ZSWIM8: variants seen among roughly 807,000 people sequenced by gnomAD.
ZSWIM8 encodes zinc finger SWIM domain-containing protein 8.
In ZSWIM8, 27 loss-of-function variants were observed where a neutral mutation model predicts 173.7. The ratio of observed to expected loss-of-function variants is 0.16; its 90% confidence interval spans 0.11 to 0.21. The LOEUF (loss-of-function observed/expected upper bound fraction) is 0.21. Among genes scored for constraint, ZSWIM8 ranks in the 10% least tolerant of loss-of-function variants. ZSWIM8 has a pLI of 1.00. For synonymous variants in ZSWIM8, 958 were observed against 962.0 expected, an observed-to-expected ratio of 1.00 and a Z score of 0.08; for missense variants, 1,627 against 2,428.8, an observed-to-expected ratio of 0.67 and a Z score of 6.94.
rs934156712 is a variant in ZSWIM8 at position 73,801,684 on chromosome 10, C to T, written c.*165C>T. ...TATAGCTTGGGGCCAAGATGTCTCA[C>T]ACCCTAGAAGCCTAGGGCTGGGGGA... is the stretch of plus-strand genomic sequence containing the variant. On this transcript the variant is annotated 3_prime_UTR_variant, in exon 26 of 26. Coordinates refer to ENST00000604729, the MANE Select transcript of ZSWIM8 (RefSeq NM_001367799.1). This position sits in a 1 kb window ranked among gnomAD's most constrained non-coding sequence, Gnocchi z 4.9. The T allele has an allele frequency of 2.0e-6, 3 of 1,534,268 alleles. No homozygotes were observed. In the African/African-American group the frequency reaches 4.1e-5, roughly 21 times the overall value.
Position 73,793,998 on chromosome 10 carries a change from T to C in ZSWIM8, c.2579T>C (p.Phe860Ser). 6.2e-7 allele frequency: 1 copy of C among 1,613,608 alleles called. No homozygotes were observed. Among genetic ancestry groups the C allele is most frequent in the Non-Finnish European group, 8.5e-7 (1 of 1,179,712 alleles). ...AACCTGGCCTTCCGAGTTGGCATGTTTGCCTTGGAGCTACAGAGGCCTCCA... is the reference window on the plus strand; with the variant it reads ...AACCTGGCCTTCCGAGTTGGCATGTCTGCCTTGGAGCTACAGAGGCCTCCA... ...HHNLAFRVGM[F>S]ALELQRPPAS... The change falls in exon 12 of 26, where the codon TTT becomes TCT. Residue 860 changes from phenylalanine to serine, a missense_variant. By Grantham distance (155) the Phe-to-Ser change is radical. Transcript: ENST00000604729.
chr10:73,795,691 C>T, intron 15 of ZSWIM8, 28 bp downstream of exon 15: 1 of 1,602,454 alleles, frequency 6.2e-7, no homozygotes, highest in Non-Finnish European at 8.5e-7. Flanking sequence ...GGTGCGGTGG[C>T]TCATGCCTGT....
chr10:73,800,188 G>C lies in ZSWIM8; in HGVS notation c.4825+18G>C. ...TGTGGCCTGTGAGTTGTGGGGCCAG[G>C]GAACAGGTGAATGGAGGGGAGGCAC... On this transcript the variant is annotated intron_variant, in intron 22 of 25. Transcript: ENST00000604729. The surrounding 1 kb of genome is among the most constrained non-coding windows in gnomAD (Gnocchi z 4.1). The C allele has an allele frequency of 6.2e-7, 1 of 1,613,394 alleles. No individual in the cohort carries two copies. The highest frequency in any genetic ancestry group is 8.5e-7 in the Non-Finnish European group (1 of 1,179,732).
At position 73,800,859 on chromosome 10, in the gene ZSWIM8, C is replaced by A; in HGVS notation, c.5122+100C>A. The A allele has an allele frequency of 8.3e-7, 1 of 1,199,126 alleles. No individual in the cohort carries two copies. Among genetic ancestry groups the A allele is most frequent in the South Asian group, 1.5e-5 (1 of 66,812 alleles). The allele number at this position is 1,199,126 out of a possible 1,614,324, so 74.3% of individuals were successfully genotyped here. On this transcript the variant is annotated intron_variant, in intron 24 of 25. Transcript: ENST00000604729. The surrounding 1 kb of genome is among the most constrained non-coding windows in gnomAD (Gnocchi z 4.1). The stretch of plus-strand genomic sequence containing the variant: ...TCCTAGCTCTTGCTCAGAGTTGAGG[C>A]CTTGGTCGGGTATGTGTGCGTGCGC...
Position 73,789,153 on chromosome 10 carries a change from C to T in ZSWIM8, c.420C>T (p.Leu140=), listed in dbSNP as rs1437270109. 1.2e-6 allele frequency: 2 copies of T among 1,614,020 alleles called. No individual in the cohort carries two copies. Among genetic ancestry groups the T allele is most frequent in the South Asian group, 1.1e-5 (1 of 91,082 alleles). The part of the protein sequence containing the change: ...SADEFQRGDQ[L]FRMRAVKDPL... ...ATGAGTTTCAGCGAGGGGATCAGCT[C>T]TTCCGCATGCGGGCTGTGAAGGACC... The change falls in exon 3 of 26, where the codon CTC becomes CTT. Residue 140 remains leucine (L), a synonymous_variant. Transcript: ENST00000604729. This position sits in a 1 kb window ranked among gnomAD's most constrained non-coding sequence, Gnocchi z 6.8.
chr10:73,799,619 G>A (rs1350906813), intron 21 of ZSWIM8, 129 bp downstream of exon 21: 4 of 1,313,086 alleles, frequency 3.0e-6, no homozygotes, highest in South Asian at 1.3e-5. Flanking sequence ...GGAGTCTGGG[G>A]GACCCAGCCC....
In ZSWIM8 at chr10:73,801,609, TC is replaced by T; in HGVS notation, c.*91del. On this transcript the variant is annotated 3_prime_UTR_variant, in exon 26 of 26. Coordinates refer to ENST00000604729, the MANE Select transcript of ZSWIM8 (RefSeq NM_001367799.1). The surrounding 1 kb of genome is among the most constrained non-coding windows in gnomAD (Gnocchi z 4.9). ...GGGGAGTGAAACTTGGCTGGACAGA[TC>T]ATCCTCACTCAGTTCCCTGGTAGCA... 6.5e-7 allele frequency: 1 copy of T among 1,546,994 alleles called. No individual in the cohort carries two copies. Among genetic ancestry groups the T allele is most frequent in the Non-Finnish European group, 8.7e-7 (1 of 1,151,316 alleles).
rs565613701 is a variant in ZSWIM8 at position 73,799,304 on chromosome 10, G to C, written c.4479G>C (p.Gly1493=). Residue 1493 remains glycine (G), a synonymous_variant, in exon 21 of 26, where the codon GGG becomes GGC. Coordinates refer to ENST00000604729, the MANE Select transcript of ZSWIM8 (RefSeq NM_001367799.1). ...AATVVPVISV[G]SSLYPGPGLG... is the part of the protein sequence containing the mutation. ...CAGTGGTGCCCGTCATATCGGTGGG[G>C]TCTAGTTTATACCCGGGTCCAGGAC... 3 of 1,606,022 alleles carry C rather than the reference G, an allele frequency of 1.9e-6. No homozygotes were observed. Among genetic ancestry groups the C allele is most frequent in the Non-Finnish European group, 1.7e-6 (2 of 1,176,442 alleles).
chr10:73,793,222 C>G (rs1237222079), intron 10 of ZSWIM8, among the ~76,000 whole-genome samples: 2 of 152,064 alleles, frequency 1.3e-5, no homozygotes, highest in Non-Finnish European at 2.9e-5. Context: ...CTGCCATGCT[C>G]TCTCTCTTGC....
Position 73,797,191 on chromosome 10 carries a change from G to A in ZSWIM8, c.3353G>A (p.Ser1118Asn). Residue 1118 changes from serine (S) to asparagine (N), a missense_variant, in exon 17 of 26, where the codon AGC (serine) becomes AAC (asparagine). Coordinates refer to ENST00000604729, the MANE Select transcript of ZSWIM8 (RefSeq NM_001367799.1). The surrounding 1 kb of genome is among the most constrained non-coding windows in gnomAD (Gnocchi z 5.6). ...CCAAGGCCAGAAGGGAAGGTTCCTA[G>A]CCGCTTGGCACTTGGCAGTCGTGGA... ...LTPRPEGKVP[S>N]RLALGSRGGY... is the part of the protein sequence containing the mutation. The A allele has an allele frequency of 6.2e-7, 1 of 1,614,018 alleles. No individual in the cohort carries two copies. Among genetic ancestry groups the A allele is most frequent in the Non-Finnish European group, 8.5e-7 (1 of 1,179,880 alleles).
Position 73,791,169 on chromosome 10 carries a change from A to G in ZSWIM8, c.1136A>G (p.Tyr379Cys). 1 of 1,605,256 alleles carries G rather than the reference A, an allele frequency of 6.2e-7. No individual in the cohort carries two copies. Among genetic ancestry groups the G allele is most frequent in the Non-Finnish European group, 8.5e-7 (1 of 1,173,622 alleles). The change falls in exon 8 of 26, where the codon TAT becomes TGT. Residue 379 changes from tyrosine to cysteine, a missense_variant. Physicochemically the swap from Tyr to Cys is radical, Grantham distance 194. Transcript: ENST00000604729. The surrounding 1 kb of genome is among the most constrained non-coding windows in gnomAD (Gnocchi z 6.0). ...ATCCTCACTGACCAGTGCCTCACCTATGAACAGGTAATCACTCAGCGTTGG... is the reference window on the plus strand; with the variant it reads ...ATCCTCACTGACCAGTGCCTCACCTGTGAACAGGTAATCACTCAGCGTTGG... ...LEILTDQCLT[Y>C]EQITGWWYSV...
rs1195069272 is a variant in ZSWIM8, at chr10:73,794,201, C to G, written c.2680C>G (p.Leu894Val). The G allele has an allele frequency of 1.2e-6, 2 of 1,614,036 alleles. No individual in the cohort carries two copies. Among genetic ancestry groups the G allele is most frequent in the East Asian group, 2.2e-5 (1 of 44,884 alleles). The change falls in exon 13 of 26, where the codon CTG becomes GTG. Residue 894 changes from leucine (L) to valine (V), a missense_variant. Physicochemically the swap from Leu to Val is conservative, Grantham distance 32. Around this residue, in one of 18 missense-constraint regions of ZSWIM8, gnomAD observed 169 missense variants for 235.3 expected, o/e 0.72. Transcript: ENST00000604729. ...GGCTGCCCTGCTCAAGAAGATCCCT[C>G]TGGGTCCAAGTGAGATGAGTACCAT... ...EVAALLKKIP[L>V]GPSEMSTMRC...
Position 73,789,087 on chromosome 10 carries a change from C to T in ZSWIM8, c.363-9C>T, listed in dbSNP as rs756183563. ...TGAGTTGTGGCTGTGTCCTCTTCTT[C>T]ACCCCCAGGCTGTATTCGTGCCTGG... On this transcript the variant is annotated splice_polypyrimidine_tract_variant and intron_variant, in intron 2 of 25. Coordinates refer to ENST00000604729, the MANE Select transcript of ZSWIM8 (RefSeq NM_001367799.1). This position sits in a 1 kb window ranked among gnomAD's most constrained non-coding sequence, Gnocchi z 6.8. 6.2e-6 allele frequency: 10 copies of T among 1,612,866 alleles called. No homozygotes were observed. The African/African-American group carries it at 1.2e-4, about 19-fold the overall frequency.
chr10:73,795,717 G>C, intron 15 of ZSWIM8, 54 bp downstream of exon 15: 2 of 1,573,868 alleles, frequency 1.3e-6, no homozygotes, highest in Non-Finnish European at 1.7e-6. Flanking sequence ...CAGCAGTTTG[G>C]GAGGCAGAGG....
intron 14 of ZSWIM8, chr10:73,794,926 TAAAAAAAAAAAAAA>T (rs34754583): frequency 6.5e-5 from 6 of 91,708 alleles, no homozygotes; most frequent in East Asian, 3.1e-4. Flanking sequence ...CATCTCTACT[TAAAAAAAAAAAAAA>T]AAAAAAAAAA....
intron 1 of ZSWIM8, among the ~76,000 whole-genome samples, chr10:73,787,192 C>A (rs183980399): frequency 6.1e-4 from 93 of 152,288 alleles, no homozygotes; most frequent in Middle Eastern, 6.8e-3. Context: ...GATCTGCGCG[C>A]CTCGGCCTCC....
rs757086516 is a variant in ZSWIM8, at chr10:73,797,209, G to A, written c.3371G>A (p.Ser1124Asn). The A allele has an allele frequency of 7.4e-5, 120 of 1,613,896 alleles. No individual in the cohort carries two copies. The highest frequency in any genetic ancestry group is 1.5e-4 in the Admixed American group (9 of 60,002). ...GTTCCTAGCCGCTTGGCACTTGGCA[G>A]TCGTGGAGGCTATAATGGACGGGGA... The part of the protein sequence containing the change: ...GKVPSRLALG[S>N]RGGYNGRGWG... The change falls in exon 17 of 26, where the codon AGT (serine) becomes AAT (asparagine). Residue 1124 changes from serine (S) to asparagine (N), a missense_variant. By Grantham distance (46) the Ser-to-Asn change is conservative. Coordinates refer to ENST00000604729, the MANE Select transcript of ZSWIM8 (RefSeq NM_001367799.1). The surrounding 1 kb of genome is among the most constrained non-coding windows in gnomAD (Gnocchi z 5.6).
In ZSWIM8 at chr10:73,791,111, C is replaced by A. The variant is rs1205428636; in HGVS notation, c.1078C>A (p.Arg360=). Residue 360 remains arginine, a synonymous_variant, in exon 8 of 26, where the codon CGG becomes AGG. Transcript: ENST00000604729. The surrounding 1 kb of genome is among the most constrained non-coding windows in gnomAD (Gnocchi z 6.0). ...LLSIVREMFK[R]RDSNAAPLLE... is the part of the protein sequence containing the mutation. ...AAGCATTGTGCGGGAGATGTTCAAG[C>A]GGAGGGACAGCAATGCTGCCCCCTT... 1 of 1,613,782 alleles carries A rather than the reference C, an allele frequency of 6.2e-7. No homozygotes were observed. The highest frequency in any genetic ancestry group is 1.1e-5 in the South Asian group (1 of 91,056).
rs1267146173 is a variant in ZSWIM8 at position 73,797,816 on chromosome 10, A to G, written c.3698A>G (p.His1233Arg). 6.2e-7 allele frequency: 1 copy of G among 1,612,232 alleles called. No individual in the cohort carries two copies. The highest frequency in any genetic ancestry group is 2.2e-5 in the East Asian group (1 of 44,804). The change falls in exon 19 of 26, where the codon CAT becomes CGT. Residue 1233 changes from histidine (H) to arginine (R), a missense_variant. Physicochemically the swap from His to Arg is conservative, Grantham distance 29. Around this residue, in one of 18 missense-constraint regions of ZSWIM8, gnomAD observed 95 missense variants for 271.3 expected, o/e 0.35. Transcript: ENST00000604729. The surrounding 1 kb of genome is among the most constrained non-coding windows in gnomAD (Gnocchi z 5.6). The stretch of plus-strand genomic sequence containing the variant: ...CGCCGCCCCGAGAGTCATGCCCCTC[A>G]TGTACCCAATCAGCCATCAGAGGCA... ...KGRRPESHAP[H>R]VPNQPSEAAA...
Sources: allele counts gnomAD v4.1 joint callset (sites outside exome capture counted in the v4.1 genomes callset), GRCh38; gene constraint gnomAD v4.1.1; regional missense constraint gnomAD v4.1.1; non-coding constraint Gnocchi (gnomAD v3.1); transcripts MANE v1.5; gene names NCBI Gene and HGNC (gene_info 2026-07-23, HGNC 2026-07-21).